Variants in NCOA2 observed in about 807,000 individuals in gnomAD.
NCOA2 encodes the protein class E basic helix-loop-helix protein 75.
NCOA2 carries 21 observed loss-of-function variants against 145.1 expected under a neutral mutation model. The ratio of observed to expected loss-of-function variants is 0.14; its 90% confidence interval spans 0.10 to 0.21. The LOEUF (loss-of-function observed/expected upper bound fraction) is 0.21. Ranked by LOEUF, NCOA2 falls within the 10% of genes least tolerant of loss-of-function variation. The pLI is 1.00. For missense variants in NCOA2, 1,472 were observed against 1,837.6 expected (o/e 0.80, Z 3.64); for synonymous variants, 619 against 637.5 (o/e 0.97, Z 0.44).
intron 2 of NCOA2, among the ~76,000 whole-genome samples, chr8:70,223,517 C>A (rs1218496132): frequency 6.6e-6 from 1 of 152,126 alleles, no homozygotes; most frequent in African/African-American, 2.4e-5. Context: ...TGCTTAAAAG[C>A]CACAATTTGA....
intron 1 of NCOA2, among the ~76,000 whole-genome samples, chr8:70,375,544 A>G (rs1047355358): frequency 2.0e-5 from 3 of 152,216 alleles, no homozygotes; most frequent in African/African-American, 7.2e-5. Flanking sequence ...CTTAAAAGAA[A>G]AAGGCTGTAT....
chr8:70,298,323 G>C (rs1277097950), intron 1 of NCOA2, among the ~76,000 whole-genome samples: 1 of 152,122 alleles, frequency 6.6e-6, no homozygotes, highest in Non-Finnish European at 1.5e-5. Flanking sequence ...ATGGCATTTT[G>C]ATTTTTACCA....
chr8:70,391,319 T>A (rs1048594648), intron 1 of NCOA2, among the ~76,000 whole-genome samples: 1 of 152,098 alleles, frequency 6.6e-6, no homozygotes, highest in Non-Finnish European at 1.5e-5. Flanking sequence ...TCAATTTCTA[T>A]CCCCCTCCTT....
At chr8:70,237,270 C>G (rs951906260) in intron 2 of NCOA2, among the ~76,000 whole-genome samples, 1 of 152,144 alleles carries the variant, frequency 6.6e-6, no homozygotes, top group East Asian at 1.9e-4. Context: ...ACACAGCCAA[C>G]AGCTGGCAGA....
In NCOA2 at chr8:70,131,885, G is replaced by A; in HGVS notation, c.3276C>T (p.Gly1092=). 2 of 1,602,998 alleles carry A rather than the reference G, an allele frequency of 1.2e-6. No homozygotes were observed. The highest frequency in any genetic ancestry group is 8.5e-7 in the Non-Finnish European group (1 of 1,175,128). The change falls in exon 16 of 23, where the codon GGC becomes GGT. Residue 1092 remains glycine, a synonymous_variant. Transcript: ENST00000452400. The stretch of plus-strand genomic sequence containing the variant: ...CTAAGGCTCTATCAATCTCCTCCAG[G>A]CCATCAAAATTCCGCAAGGCCAGAT... ...QLYLALRNFD[G]LEEIDRALGI...
chr8:70,223,948 A>G (rs987426689), intron 2 of NCOA2, among the ~76,000 whole-genome samples: 5 of 152,252 alleles, frequency 3.3e-5, no homozygotes, highest in Non-Finnish European at 5.9e-5. Flanking sequence ...GTAATTTGAA[A>G]GCACTTTTCT....
chr8:70,142,945 G>GT (rs1029277458), intron 13 of NCOA2, among the ~76,000 whole-genome samples: 41 of 147,944 alleles, frequency 2.8e-4, no homozygotes, highest in Admixed American at 1.7e-3. Flanking sequence ...TCTGTGTTTT[G>GT]TTTTTTTTGT....
intron 1 of NCOA2, among the ~76,000 whole-genome samples, chr8:70,314,499 A>T (rs1805417336): frequency 6.6e-6 from 1 of 152,168 alleles, no homozygotes; most frequent in South Asian, 2.1e-4. Context: ...CCTAAATTCC[A>T]TGATGTAATA....
rs549796652 is a variant in NCOA2, at chr8:70,218,029, T to G, written c.-19-1265A>C. Among the ~76,000 whole-genome samples, 26 of 150,350 alleles carry G rather than the reference T, an allele frequency of 1.7e-4. No individual in the cohort carries two copies. The East Asian group carries it at 4.9e-3, about 28-fold the overall frequency. On this transcript the variant is annotated intron_variant, in intron 2 of 22. Coordinates refer to ENST00000452400, the MANE Select transcript of NCOA2 (RefSeq NM_006540.4). ...TAGAAGACAGAGAACTTAAGGAAGA[T>G]GACAGAGGACAATCAAGAGTAAGGA... is the stretch of plus-strand genomic sequence containing the variant.
At chr8:70,132,622 T>TA (rs1809262361) in intron 15 of NCOA2, among the ~76,000 whole-genome samples, 1 of 152,194 alleles carries the variant, frequency 6.6e-6, no homozygotes, top group Non-Finnish European at 1.5e-5. Context: ...TGGAGTGCAG[T>TA]GGTGTGATCA....
chr8:70,372,692 C>T (rs1467294669), intron 1 of NCOA2, among the ~76,000 whole-genome samples: 3 of 152,108 alleles, frequency 2.0e-5, no homozygotes, highest in Non-Finnish European at 4.4e-5. Context: ...TGTTTTAACA[C>T]ACAGGTAACA....
At chr8:70,439,071 G>T in the NCOA2 span, among the ~76,000 whole-genome samples, 1,620 of 152,328 alleles carry the variant, frequency 0.011, 26 homozygotes, top group African/African-American at 0.037. Flanking sequence ...AACAGGGATT[G>T]CTGTGTATAG....
At chr8:70,403,915 G>C, upstream of NCOA2, 1 of 374,198 alleles carries the variant, frequency 2.7e-6, no homozygotes. Context: ...GACAGCGCGA[G>C]CTCGCGAGCA....
At chr8:70,209,241 T>C (rs1818771999) in intron 4 of NCOA2, among the ~76,000 whole-genome samples, 3 of 152,256 alleles carry the variant, frequency 2.0e-5, no homozygotes, top group Admixed American at 6.5e-5. Context: ...TGTGACTGAA[T>C]TGCTGCAATC....
At chr8:70,199,032 A>G (rs1817627228) in intron 4 of NCOA2, among the ~76,000 whole-genome samples, 1 of 152,198 alleles carries the variant, frequency 6.6e-6, no homozygotes, top group Non-Finnish European at 1.5e-5. Context: ...CTTGACAGTC[A>G]GCACAAATAC....
chr8:70,348,861 T>G (rs921377493), intron 1 of NCOA2, among the ~76,000 whole-genome samples: 1 of 152,052 alleles, frequency 6.6e-6, no homozygotes, highest in Admixed American at 6.6e-5. Flanking sequence ...CAGTTAAAGC[T>G]TAGAAGAAAG....
the NCOA2 span, chr8:70,424,210 T>C: frequency 3.1e-6 from 1 of 323,824 alleles, no homozygotes; most frequent in Non-Finnish European, 5.9e-6. Flanking sequence ...ACCCCAGAAG[T>C]GGTGCAGCCC....
chr8:70,229,014 A>G (rs763518114), intron 2 of NCOA2, among the ~76,000 whole-genome samples: 5 of 152,254 alleles, frequency 3.3e-5, no homozygotes, highest in Non-Finnish European at 5.9e-5. Context: ...ATGTTTCTGA[A>G]CCAAGAGCAG....
In NCOA2 at chr8:70,156,028, T is replaced by C. The variant is rs1812249804; in HGVS notation, c.2337A>G (p.Thr779=). ...TCTCAGTTTTCATTGCTATTAATTT[T>C]GTGTTACTGGCAGGATCTGTCTTAC... ...LDSKTDPASN[T]KLIAMKTEKE... Residue 779 remains threonine, a synonymous_variant, in exon 11 of 23, where the codon ACA becomes ACG. Transcript: ENST00000452400. The C allele has an allele frequency of 1.2e-6, 2 of 1,604,302 alleles. No individual in the cohort carries two copies. Among genetic ancestry groups the C allele is most frequent in the African/African-American group, 2.7e-5 (2 of 73,946 alleles).
Sources: allele counts gnomAD v4.1 joint callset (sites outside exome capture counted in the v4.1 genomes callset), GRCh38; gene constraint gnomAD v4.1.1; transcripts MANE v1.5; gene names NCBI Gene and HGNC (gene_info 2026-07-23, HGNC 2026-07-21).